The following KIRREL3 variants were observed in gnomAD, a reference collection of about 807,000 sequenced individuals.
The protein encoded by KIRREL3 is kin of IRRE-like protein 3.
A neutral mutation model predicts 89.7 loss-of-function variants in KIRREL3; 36 were observed. The ratio of observed to expected loss-of-function variants is 0.40; its 90% CI spans 0.31 to 0.53. The LOEUF (loss-of-function observed/expected upper bound fraction) is 0.53. KIRREL3 is among the 20% of genes least tolerant of loss of function. The pLI is 0.49. For missense variants in KIRREL3, 864 were observed against 1,056.6 expected (o/e 0.82, Z 2.53); for synonymous variants, 445 against 441.4 (o/e 1.01, Z -0.10).
Position 126,664,794 on chromosome 11 carries a change from A to T in KIRREL3, c.56-101882T>A, listed in dbSNP as rs576589367. Among the ~76,000 whole-genome samples the T allele has an allele frequency of 3.2e-4, 49 of 152,324 alleles. No individual in the cohort carries two copies. Among genetic ancestry groups the T allele is most frequent in the Non-Finnish European group, 6.2e-4 (42 of 68,034 alleles). Reference sequence around the variant, plus strand: ...CACTTTCCTTTCTAACCCTGGCTGCAGCCTCATGGCACTACTTCCTCATCT... The same window carrying T: ...CACTTTCCTTTCTAACCCTGGCTGCTGCCTCATGGCACTACTTCCTCATCT... On this transcript the variant is annotated intron_variant, in intron 1 of 16. Coordinates refer to ENST00000525144, the MANE Select transcript of KIRREL3 (RefSeq NM_032531.4). The surrounding 1 kb of genome is among the most constrained non-coding windows in gnomAD (Gnocchi z 5.4).
chr11:126,886,277 C>T (rs1282081534), intron 1 of KIRREL3, among the ~76,000 whole-genome samples: 1 of 152,184 alleles, frequency 6.6e-6, no homozygotes, highest in African/African-American at 2.4e-5. Context: ...ATAATGGACT[C>T]ACTAATATCT....
intron 1 of KIRREL3, among the ~76,000 whole-genome samples, chr11:126,649,373 C>CCAAACTCT (rs753640335): frequency 1.3e-5 from 2 of 152,180 alleles, no homozygotes; most frequent in Non-Finnish European, 2.9e-5. Context: ...AGTCCACAGT[C>CCAAACTCT]CAAACTCTCA....
Position 126,519,388 on chromosome 11 carries a change from G to A in KIRREL3, c.433+1927C>T, listed in dbSNP as rs1436238527. On this transcript the variant is annotated intron_variant, in intron 4 of 16. Coordinates refer to ENST00000525144, the MANE Select transcript of KIRREL3 (RefSeq NM_032531.4). The surrounding 1 kb of genome is among the most constrained non-coding windows in gnomAD (Gnocchi z 4.3). ...GGTTAATTAAGCTGTGTCACCTCCTGTGAGTGCCTTTGCCTCTCTGAGTTT... is the reference window on the plus strand; with the variant it reads ...GGTTAATTAAGCTGTGTCACCTCCTATGAGTGCCTTTGCCTCTCTGAGTTT... Among the ~76,000 whole-genome samples the A allele has an allele frequency of 6.6e-6, 1 of 152,226 alleles. No homozygotes were observed. The highest frequency in any genetic ancestry group is 1.5e-5 in the Non-Finnish European group (1 of 68,036).
rs1949479742 is a variant in KIRREL3 at position 126,755,850 on chromosome 11, AGAGAGG to A, written c.56-192944_56-192939del. ...GAGAGAGAGAGAGAGAGAGAGAGAG[AGAGAGG>A]GAGAGAGGGAGAGAGAAAAAACAGA... On this transcript the variant is annotated intron_variant, in intron 1 of 16. Transcript: ENST00000525144. The surrounding 1 kb of genome is among the most constrained non-coding windows in gnomAD (Gnocchi z 4.3). Among the ~76,000 whole-genome samples, 2 of 111,420 alleles carry A rather than the reference AGAGAGG, an allele frequency of 1.8e-5. No individual in the cohort carries two copies. The highest frequency in any genetic ancestry group is 3.1e-4 in the South Asian group (1 of 3,206). 73.1% of individuals were successfully genotyped at this position (111,420 alleles called of 152,430 possible). A position where few individuals can be genotyped will look rare whatever the true frequency, so the allele number is the denominator to read the frequency against.
At chr11:126,673,037 G>A (rs557828690) in intron 1 of KIRREL3, among the ~76,000 whole-genome samples, 10 of 152,200 alleles carry the variant, frequency 6.6e-5, no homozygotes, top group Non-Finnish European at 1.5e-4. Context: ...AAATATTAAA[G>A]ACAGAAATGG....
intron 1 of KIRREL3, among the ~76,000 whole-genome samples, chr11:126,923,698 C>A (rs1394346693): frequency 6.6e-6 from 1 of 152,104 alleles, no homozygotes; most frequent in Non-Finnish European, 1.5e-5. Context: ...CCCACCTCGG[C>A]CTCCCAAAGT....
intron 1 of KIRREL3, among the ~76,000 whole-genome samples, chr11:126,960,372 C>T (rs908889226): frequency 2.6e-5 from 4 of 152,042 alleles, no homozygotes; most frequent in South Asian, 2.1e-4. Flanking sequence ...GATATCCAGC[C>T]GAGGACACTG....
chr11:126,497,698 A>G (rs1245269202), intron 4 of KIRREL3, among the ~76,000 whole-genome samples: 1 of 152,204 alleles, frequency 6.6e-6, no homozygotes, highest in East Asian at 1.9e-4. Context: ...CTGAGAAGTC[A>G]CTGATTTTTC....
At chr11:126,514,615 A>G (rs931667001) in intron 4 of KIRREL3, among the ~76,000 whole-genome samples, 16 of 152,224 alleles carry the variant, frequency 1.1e-4, no homozygotes, top group African/African-American at 3.4e-4. Context: ...CATGTTTTAC[A>G]TATATTATTT....
chr11:126,918,720 C>A lies in KIRREL3; in HGVS notation c.55+81735G>T, dbSNP rs367597485. On this transcript the variant is annotated intron_variant, in intron 1 of 16. Coordinates refer to ENST00000525144, the MANE Select transcript of KIRREL3 (RefSeq NM_032531.4). This position sits in a 1 kb window ranked among gnomAD's most constrained non-coding sequence, Gnocchi z 6.5. ...CAGACATTACTAATCAAGGATAGTTCCCCTTTTCAAAATCTTTTCCTGCAT... is the reference window on the plus strand; with the variant it reads ...CAGACATTACTAATCAAGGATAGTTACCCTTTTCAAAATCTTTTCCTGCAT... Among the ~76,000 whole-genome samples, 1 of 152,162 alleles carries A rather than the reference C, an allele frequency of 6.6e-6. No homozygotes were observed. The highest frequency in any genetic ancestry group is 1.5e-5 in the Non-Finnish European group (1 of 68,028).
At chr11:126,532,781 A>G (rs1958983570) in intron 2 of KIRREL3, among the ~76,000 whole-genome samples, 1 of 152,154 alleles carries the variant, frequency 6.6e-6, no homozygotes. Flanking sequence ...GGTCAGTAAC[A>G]CTGAAACGGT....
rs545637083 is a variant in KIRREL3, at chr11:126,714,457, G to T, written c.56-151545C>A. ...AATGCCTGCGATTCTCTGTGGGACAGCGGGTGTGATGGAGTCACGGAGATG... is the reference window on the plus strand; with the variant it reads ...AATGCCTGCGATTCTCTGTGGGACATCGGGTGTGATGGAGTCACGGAGATG... On this transcript the variant is annotated intron_variant, in intron 1 of 16. Transcript: ENST00000525144. Among the ~76,000 whole-genome samples the T allele has an allele frequency of 4.6e-5, 7 of 152,332 alleles. No homozygotes were observed. In the East Asian group the frequency reaches 1.4e-3, roughly 29 times the overall value.
chr11:126,713,754 G>A (rs888673786), intron 1 of KIRREL3, among the ~76,000 whole-genome samples: 72 of 152,250 alleles, frequency 4.7e-4, no homozygotes, highest in African/African-American at 1.6e-3. Flanking sequence ...GATCTGACCT[G>A]GCCAGAAGTG....
At position 126,761,984 on chromosome 11, in the gene KIRREL3, G is replaced by A. The variant is rs532028283; in HGVS notation, c.56-199072C>T. ...ACCTGAGGTCAGGAGTTGAAGACTA[G>A]CCTGGCCAACATGGTGAAACCCTAT... On this transcript the variant is annotated intron_variant, in intron 1 of 16. Transcript: ENST00000525144. The surrounding 1 kb of genome is among the most constrained non-coding windows in gnomAD (Gnocchi z 4.4). Among the ~76,000 whole-genome samples, 26 of 152,206 alleles carry A rather than the reference G, an allele frequency of 1.7e-4. No individual in the cohort carries two copies. Among genetic ancestry groups the A allele is most frequent in the Admixed American group, 1.7e-3 (26 of 15,286 alleles).
In KIRREL3 at chr11:126,708,100, A is replaced by G. The variant is rs888568336; in HGVS notation, c.56-145188T>C. ...CAGGGTATCCGTGCCCCGTTTGATC[A>G]GAAAGAAACACACCCAATCTTCCTC... is the stretch of plus-strand genomic sequence containing the variant. On this transcript the variant is annotated intron_variant, in intron 1 of 16. Coordinates refer to ENST00000525144, the MANE Select transcript of KIRREL3 (RefSeq NM_032531.4). This position sits in a 1 kb window ranked among gnomAD's most constrained non-coding sequence, Gnocchi z 5.7. 6.6e-6 allele frequency among the ~76,000 whole-genome samples: 1 copy of G among 152,178 alleles called. No individual in the cohort carries two copies.
At chr11:126,881,251 C>A (rs985859373) in intron 1 of KIRREL3, among the ~76,000 whole-genome samples, 1 of 152,180 alleles carries the variant, frequency 6.6e-6, no homozygotes, top group African/African-American at 2.4e-5. Context: ...TGCGACTCCC[C>A]CTCCCCCTCT....
At chr11:126,494,878 G>A (rs1055342505) in intron 4 of KIRREL3, among the ~76,000 whole-genome samples, 2 of 152,254 alleles carry the variant, frequency 1.3e-5, no homozygotes, top group African/African-American at 2.4e-5. Context: ...CATCCATCGG[G>A]ACCCCTGTGG....
At chr11:126,518,795 T>C (rs547563222) in intron 4 of KIRREL3, among the ~76,000 whole-genome samples, 4 of 152,348 alleles carry the variant, frequency 2.6e-5, no homozygotes, top group African/African-American at 9.6e-5. Flanking sequence ...GGGGCCTCCT[T>C]GCAGAGCAGT....
At position 126,705,077 on chromosome 11, in the gene KIRREL3, TGGTTTTCTTAAAAAAA is replaced by T. The variant is rs1428821438; in HGVS notation, c.56-142181_56-142166del. 2.0e-5 allele frequency among the ~76,000 whole-genome samples: 3 copies of T among 152,216 alleles called. No homozygotes were observed. Among genetic ancestry groups the T allele is most frequent in the Non-Finnish European group, 4.4e-5 (3 of 68,044 alleles). On this transcript the variant is annotated intron_variant, in intron 1 of 16. Coordinates refer to ENST00000525144, the MANE Select transcript of KIRREL3 (RefSeq NM_032531.4). This position sits in a 1 kb window ranked among gnomAD's most constrained non-coding sequence, Gnocchi z 4.3. Reference sequence around the variant, plus strand: ...CTTTTTATGGCTCAAGACATAGGTTTGGTTTTCTTAAAAAAAGGTTTTCTTAATTCAAAAAATGTAC... The same window carrying T: ...CTTTTTATGGCTCAAGACATAGGTTTGGTTTTCTTAATTCAAAAAATGTAC...
Sources: gnomAD v4.1 joint callset for allele counts (sites outside exome capture counted in the v4.1 genomes callset) on GRCh38, gnomAD v4.1.1 for gene constraint, Gnocchi (gnomAD v3.1) non-coding constraint, MANE v1.5 for transcripts, NCBI Gene and HGNC (gene_info 2026-07-23, HGNC 2026-07-21) for gene names.